Variants in NMNAT2 observed in about 807,000 individuals in gnomAD.
NMNAT2 encodes nicotinamide nucleotide adenylyltransferase 2.
NMNAT2 carries 11 observed loss-of-function variants against 41.6 expected under a neutral mutation model. That is an observed-to-expected ratio of 0.26 (90% CI 0.17 to 0.44). The LOEUF is 0.44. NMNAT2 is among the 20% of genes least tolerant of loss of function. The probability of loss-of-function intolerance (pLI) is 1.00; values close to 1 mark genes in which losing one functional copy is unlikely to be tolerated. For synonymous variants in NMNAT2, 148 were observed against 151.2 expected, an observed-to-expected ratio of 0.98 and a Z score of 0.16; for missense variants, 288 against 407.7, an observed-to-expected ratio of 0.71 and a Z score of 2.53.
chr1:183,336,331 G>T (rs989698790), intron 1 of NMNAT2, among the ~76,000 whole-genome samples: 5 of 152,202 alleles, frequency 3.3e-5, no homozygotes, highest in African/African-American at 1.2e-4. Context: ...AGTACTCAGT[G>T]TCATTAGAAA....
intron 7 of NMNAT2, among the ~76,000 whole-genome samples, chr1:183,279,645 A>C (rs1571569333): frequency 6.6e-6 from 1 of 152,136 alleles, no homozygotes; most frequent in Non-Finnish European, 1.5e-5. Flanking sequence ...GAAGGCTTTC[A>C]GGTGGTAAGC....
intron 1 of NMNAT2, among the ~76,000 whole-genome samples, chr1:183,325,307 TC>T (rs1303541096): frequency 1.3e-5 from 2 of 152,254 alleles, no homozygotes; most frequent in Admixed American, 6.5e-5. Flanking sequence ...CAATTCAATT[TC>T]TTCCTCTGCA....
At chr1:183,300,432 G>T (rs1166124009) in intron 1 of NMNAT2, among the ~76,000 whole-genome samples, 1 of 147,216 alleles carries the variant, frequency 6.8e-6, no homozygotes, top group Non-Finnish European at 1.5e-5. Context: ...AAAAAAAAAG[G>T]CACCATGGCA....
intron 9 of NMNAT2, 28 bp downstream of exon 9, chr1:183,261,174 A>T: frequency 1.2e-6 from 2 of 1,609,034 alleles, no homozygotes; most frequent in Non-Finnish European, 1.7e-6. Context: ...GCCATAACAC[A>T]GATGCACTAG....
chr1:183,302,336 C>T (rs1448173083), intron 1 of NMNAT2, among the ~76,000 whole-genome samples: 1 of 152,144 alleles, frequency 6.6e-6, no homozygotes, highest in Non-Finnish European at 1.5e-5. Context: ...ACATTAAGTG[C>T]TATAGGACTT....
chr1:183,257,931 T>G (rs1660561613), intron 10 of NMNAT2, among the ~76,000 whole-genome samples: 1 of 152,212 alleles, frequency 6.6e-6, no homozygotes, highest in South Asian at 2.1e-4. Flanking sequence ...TAAGGCATAA[T>G]GCTAGGCAAT....
At chr1:183,316,726 T>A (rs988503113) in intron 1 of NMNAT2, among the ~76,000 whole-genome samples, 6 of 152,216 alleles carry the variant, frequency 3.9e-5, no homozygotes, top group Non-Finnish European at 7.3e-5. Context: ...GCTCCTTCTA[T>A]ATTGTTGATA....
intron 1 of NMNAT2, among the ~76,000 whole-genome samples, chr1:183,398,687 A>G (rs1464158446): frequency 6.6e-6 from 1 of 152,232 alleles, no homozygotes; most frequent in African/African-American, 2.4e-5. Flanking sequence ...CAAAAGTAAA[A>G]GAACAGAAAT....
chr1:183,372,173 C>T (rs1663559094), intron 1 of NMNAT2, among the ~76,000 whole-genome samples: 1 of 152,144 alleles, frequency 6.6e-6, no homozygotes. Flanking sequence ...TTCAGGAGGA[C>T]GTTTGAAACA....
At chr1:183,333,218 A>G (rs1662619948) in intron 1 of NMNAT2, among the ~76,000 whole-genome samples, 1 of 152,202 alleles carries the variant, frequency 6.6e-6, no homozygotes, top group Non-Finnish European at 1.5e-5. Flanking sequence ...AGAGGCATTT[A>G]CTGAACATCT....
intron 8 of NMNAT2, among the ~76,000 whole-genome samples, chr1:183,277,063 C>T (rs900925992): frequency 6.6e-6 from 1 of 152,110 alleles, no homozygotes. Flanking sequence ...CTTTGCTGAG[C>T]GTGACTGTAT....
At chr1:183,391,435 C>G (rs549575866) in intron 1 of NMNAT2, among the ~76,000 whole-genome samples, 1 of 152,126 alleles carries the variant, frequency 6.6e-6, no homozygotes, top group African/African-American at 2.4e-5. Flanking sequence ...GACATTCTTT[C>G]GAGATTTCTC....
Position 183,355,646 on chromosome 1 carries a change from G to C in NMNAT2, c.86-61853C>G, listed in dbSNP as rs78661988. The stretch of plus-strand genomic sequence containing the variant: ...GAATTAATAGATGTGCATTACATTG[G>C]TTTGTTTGGAAAGATGCTAATGAGG... On this transcript the variant is annotated intron_variant, in intron 1 of 10. Coordinates refer to ENST00000287713, the MANE Select transcript of NMNAT2 (RefSeq NM_015039.4). Among the ~76,000 whole-genome samples, 203 of 152,312 alleles carry C rather than the reference G, an allele frequency of 1.3e-3. 1 individual carries two copies. Among genetic ancestry groups the C allele is most frequent in the African/African-American group, 4.7e-3 (197 of 41,560 alleles).
intron 1 of NMNAT2, among the ~76,000 whole-genome samples, chr1:183,401,237 G>A (rs1182277539): frequency 3.5e-4 from 53 of 151,852 alleles, no homozygotes; most frequent in East Asian, 9.7e-4. Flanking sequence ...AAACAACCCC[G>A]TCAAAAAGTG....
chr1:183,272,584 G>A (rs4652789), intron 8 of NMNAT2, among the ~76,000 whole-genome samples: 1 of 152,194 alleles, frequency 6.6e-6, no homozygotes, highest in African/African-American at 2.4e-5. Flanking sequence ...GTGGGGATGG[G>A]GTCATCCCAT....
intron 1 of NMNAT2, among the ~76,000 whole-genome samples, chr1:183,304,014 T>C (rs1414178648): frequency 6.6e-6 from 1 of 152,260 alleles, no homozygotes; most frequent in Non-Finnish European, 1.5e-5. Context: ...CAATGCCCTC[T>C]CTCTGCCCTC....
chr1:183,278,714 A>C, intron 7 of NMNAT2, 85 bp from the exon 8 acceptor site: 7 of 934,848 alleles, frequency 7.5e-6, no homozygotes, highest in Non-Finnish European at 1.2e-5. Flanking sequence ...CCTGGTGAAT[A>C]CATAACTCTC....
intron 1 of NMNAT2, among the ~76,000 whole-genome samples, chr1:183,360,659 A>G (rs1041693484): frequency 6.6e-6 from 1 of 152,234 alleles, no homozygotes; most frequent in African/African-American, 2.4e-5. Flanking sequence ...CAAATTCCCC[A>G]TAATGGAAAA....
Position 183,401,119 on chromosome 1 carries a change from T to G in NMNAT2, c.85+17064A>C, listed in dbSNP as rs560261035. Among the ~76,000 whole-genome samples, 35 of 152,218 alleles carry G rather than the reference T, an allele frequency of 2.3e-4. 1 individual carries two copies. Among genetic ancestry groups the G allele is most frequent in the Admixed American group, 1.9e-3 (29 of 15,286 alleles). On this transcript the variant is annotated intron_variant, in intron 1 of 10. Coordinates refer to ENST00000287713, the MANE Select transcript of NMNAT2 (RefSeq NM_015039.4). ...CAGCAAAAGAAACTGCCATCAGAGTTAACAGGCAACCTACAGAATGAGAGA... is the reference window on the plus strand; with the variant it reads ...CAGCAAAAGAAACTGCCATCAGAGTGAACAGGCAACCTACAGAATGAGAGA...
Sources: gnomAD v4.1 joint callset for allele counts (sites outside exome capture counted in the v4.1 genomes callset) on GRCh38, gnomAD v4.1.1 for gene constraint, MANE v1.5 for transcripts, NCBI Gene and HGNC (gene_info 2026-07-23, HGNC 2026-07-21) for gene names.